The following OSBPL10 variants were observed in gnomAD, a reference collection of about 807,000 sequenced individuals.
The protein encoded by OSBPL10 is oxysterol-binding protein-related protein 10.
A neutral mutation model predicts 81.7 loss-of-function variants in OSBPL10; 49 were observed. The observed-to-expected ratio is 0.60, with a 90% confidence interval of 0.48 to 0.76. The LOEUF is 0.76. OSBPL10 is among the 30% of genes least tolerant of loss of function. The pLI is 0.00. For synonymous variants in OSBPL10, 419 were observed against 383.6 expected, an observed-to-expected ratio of 1.09 and a Z score of -1.08; for missense variants, 923 against 987.8, an observed-to-expected ratio of 0.93 and a Z score of 0.88.
At chr3:31,995,582 A>C (rs1054972645) in intron 2 of OSBPL10, among the ~76,000 whole-genome samples, 2 of 152,216 alleles carry the variant, frequency 1.3e-5, no homozygotes, top group African/African-American at 4.8e-5. Context: ...CATGTTTTAC[A>C]ATCAATTTGT....
rs913937984 is a variant in OSBPL10, at chr3:31,802,484, T to C, written c.729+27556A>G. Among the ~76,000 whole-genome samples, 3 of 145,082 alleles carry C rather than the reference T, an allele frequency of 2.1e-5. No homozygotes were observed. In the East Asian group the frequency reaches 6.1e-4, roughly 29 times the overall value. On this transcript the variant is annotated intron_variant, in intron 4 of 11. Coordinates refer to ENST00000396556, the MANE Select transcript of OSBPL10 (RefSeq NM_017784.5). ...AGGAGGCTGAGGCAGGAGAATCACT[T>C]GAACCCAGGAGGTGGAGGTTGCAGT...
chr3:31,990,150 C>T lies in OSBPL10; in HGVS notation n.298+56341G>A, dbSNP rs115495504. 1.7e-3 allele frequency: 2,783 copies of T among 1,611,552 alleles called. 53 individuals carry two copies. In the African/African-American group the frequency reaches 0.033, roughly 19 times the overall value. On this transcript the variant is annotated intron_variant and non_coding_transcript_variant, in intron 2 of 3. Transcript: ENST00000479173. ...AGGCTTTCAGGCGTGATTCACACCT[C>T]ACACAACACACTAGAATTCACACTG...
intron 6 of OSBPL10, among the ~76,000 whole-genome samples, chr3:31,719,588 G>A (rs12492810): frequency 0.3 from 45,086 of 152,076 alleles, 8,176 homozygotes; most frequent in East Asian, 0.62. Flanking sequence ...TGACAGACAG[G>A]ATAATAGCAA....
At chr3:31,882,699 A>G (rs756742364) in intron 1 of OSBPL10, among the ~76,000 whole-genome samples, 12 of 152,180 alleles carry the variant, frequency 7.9e-5, no homozygotes, top group South Asian at 4.1e-4. Flanking sequence ...ACTGGAATGG[A>G]GACAACCTAC....
intron 6 of OSBPL10, among the ~76,000 whole-genome samples, chr3:31,726,463 C>T (rs910237964): frequency 6.6e-6 from 1 of 151,938 alleles, no homozygotes; most frequent in Non-Finnish European, 1.5e-5. Context: ...ATTGTAGGCA[C>T]CCACCACCAT....
chr3:31,843,433 T>C (rs527687848), intron 3 of OSBPL10, among the ~76,000 whole-genome samples: 2 of 152,312 alleles, frequency 1.3e-5, no homozygotes, highest in Admixed American at 1.3e-4. Context: ...GTTCCTCCTC[T>C]CTTTCCATAT....
chr3:31,924,034 T>C (rs1410226776), intron 1 of OSBPL10, among the ~76,000 whole-genome samples: 5 of 151,846 alleles, frequency 3.3e-5, no homozygotes, highest in Admixed American at 1.3e-4. Context: ...CTGGCCAACA[T>C]AGTGAAACCC....
At chr3:31,684,585 G>A (rs1049254489) in intron 7 of OSBPL10, among the ~76,000 whole-genome samples, 1 of 152,284 alleles carries the variant, frequency 6.6e-6, no homozygotes, top group East Asian at 1.9e-4. Flanking sequence ...TTCATAGGGG[G>A]TCCAGGCAGA....
chr3:32,019,976 G>A (rs1301442750), intron 2 of OSBPL10, among the ~76,000 whole-genome samples: 4 of 152,142 alleles, frequency 2.6e-5, no homozygotes, highest in Non-Finnish European at 5.9e-5. Context: ...CTGAATTTGC[G>A]GAGGGATTTC....
rs1699021738 is a variant in OSBPL10 at position 31,991,030 on chromosome 3, A to G, written n.298+55461T>C. ...AATTCATTCCTGAGATAATTGTTCCAAATGCAATGAGTATAGCAAACCATC... is the reference window on the plus strand; with the variant it reads ...AATTCATTCCTGAGATAATTGTTCCGAATGCAATGAGTATAGCAAACCATC... On this transcript the variant is annotated intron_variant and non_coding_transcript_variant, in intron 2 of 3. Coordinates refer to the OSBPL10 transcript ENST00000479173. 1.7e-5 allele frequency: 25 copies of G among 1,490,516 alleles called. No individual in the cohort carries two copies. In the South Asian group the frequency reaches 3.2e-4, roughly 19 times the overall value. The allele number at this position is 1,490,516 out of a possible 1,614,324, so 92.3% of individuals were successfully genotyped here.
At chr3:31,777,526 C>A (rs983936724) in intron 4 of OSBPL10, among the ~76,000 whole-genome samples, 4 of 152,322 alleles carry the variant, frequency 2.6e-5, no homozygotes, top group South Asian at 2.1e-4. Flanking sequence ...ATGCAGCTCC[C>A]ACTTAGATGA....
At chr3:31,971,407 T>C (rs1698564472) in intron 1 of OSBPL10, among the ~76,000 whole-genome samples, 1 of 152,206 alleles carries the variant, frequency 6.6e-6, no homozygotes, top group Non-Finnish European at 1.5e-5. Flanking sequence ...CCCAGTGTGC[T>C]GGGATTACAG....
Position 31,812,723 on chromosome 3 carries a change from A to T in OSBPL10, c.729+17317T>A, listed in dbSNP as rs1045123116. 5.1e-5 allele frequency among the ~76,000 whole-genome samples: 2 copies of T among 39,350 alleles called. 1 individual carries two copies. Among genetic ancestry groups the T allele is most frequent in the Non-Finnish European group, 8.3e-5 (2 of 24,066 alleles). The allele number at this position is 39,350 out of a possible 152,430, so 25.8% of individuals were successfully genotyped here. A position where few individuals can be genotyped will look rare whatever the true frequency, so the allele number is the denominator to read the frequency against. On this transcript the variant is annotated intron_variant, in intron 4 of 11. Coordinates refer to ENST00000396556, the MANE Select transcript of OSBPL10 (RefSeq NM_017784.5). ...CTCTACACAGTAGGCAAAAAAAAAG[A>T]AAGAAAGAAAGAAAGAAAGAAAGAA...
Position 31,879,733 on chromosome 3 carries a change from C to T in OSBPL10, c.379G>A (p.Ala127Thr), listed in dbSNP as rs754408092. 6.2e-7 allele frequency: 1 copy of T among 1,614,194 alleles called. No homozygotes were observed. The highest frequency in any genetic ancestry group is 1.1e-5 in the South Asian group (1 of 91,084). ...KPRGVLSLSG[A>T]IVSLSDEAPH... is the part of the protein sequence containing the mutation. ...GCTTCATCGCTCAGGGACACTATGG[C>T]TCCAGATAAAGACAGGACTCCTCGA... is the stretch of plus-strand genomic sequence containing the variant. Residue 127 changes from alanine to threonine, a missense_variant, in exon 2 of 12, where the codon GCC becomes ACC. By Grantham distance (58) the Ala-to-Thr change is moderately conservative. Coordinates refer to ENST00000396556, the MANE Select transcript of OSBPL10 (RefSeq NM_017784.5).
chr3:31,668,735 T>A lies in OSBPL10; in HGVS notation c.2003A>T (p.Asn668Ile), dbSNP rs772850390. The change falls in exon 10 of 12, where the codon AAC becomes ATC. Residue 668 changes from asparagine to isoleucine, a missense_variant. Coordinates refer to ENST00000396556, the MANE Select transcript of OSBPL10 (RefSeq NM_017784.5). Reference sequence around the variant, plus strand: ...GTCGATGACTTTGGTTTCTCCATTGTTGTAGGTGAACTCTAAAGTACCATT... The same window carrying A: ...GTCGATGACTTTGGTTTCTCCATTGATGTAGGTGAACTCTAAAGTACCATT... ...EWNGTLEFTY[N>I]NGETKVIDTT... is the part of the protein sequence containing the mutation. 4 of 1,614,060 alleles carry A rather than the reference T, an allele frequency of 2.5e-6. No individual in the cohort carries two copies. The highest frequency in any genetic ancestry group is 3.4e-6 in the Non-Finnish European group (4 of 1,180,034).
intron 7 of OSBPL10, among the ~76,000 whole-genome samples, chr3:31,699,187 T>G (rs75510914): frequency 0.014 from 2,057 of 152,304 alleles, 48 homozygotes; most frequent in African/African-American, 0.047. Flanking sequence ...ACAACAGTCA[T>G]GTCAGGATCT....
chr3:31,923,638 A>T (rs181198858), intron 1 of OSBPL10, among the ~76,000 whole-genome samples: 293 of 152,230 alleles, frequency 1.9e-3, no homozygotes, highest in African/African-American at 6.6e-3. Flanking sequence ...AATAATTTTT[A>T]AAAATAGCTG....
At chr3:31,839,841 G>T (rs1425156806) in intron 3 of OSBPL10, among the ~76,000 whole-genome samples, 2 of 135,766 alleles carry the variant, frequency 1.5e-5, no homozygotes, top group Non-Finnish European at 3.2e-5. Flanking sequence ...CAAGCCAGAT[G>T]CCTGGTACCA....
chr3:31,714,237 A>G (rs1264453653), intron 6 of OSBPL10, among the ~76,000 whole-genome samples: 2 of 152,170 alleles, frequency 1.3e-5, no homozygotes, highest in Non-Finnish European at 2.9e-5. Context: ...TATACACGTA[A>G]GGCTCTGTGT....
Sources: allele counts gnomAD v4.1 joint callset (sites outside exome capture counted in the v4.1 genomes callset), GRCh38; gene constraint gnomAD v4.1.1; transcripts MANE v1.5; gene names NCBI Gene and HGNC (gene_info 2026-07-23, HGNC 2026-07-21).